GALNTL5: variants seen among roughly 807,000 people sequenced by gnomAD.
GALNTL5 encodes polypeptide N-acetylgalactosaminyltransferase like 5.
Under a neutral mutation model 51.0 loss-of-function variants are expected in GALNTL5, and 44 were observed. That is an observed-to-expected ratio of 0.86 (90% CI 0.68 to 1.11). The LOEUF (loss-of-function observed/expected upper bound fraction) is 1.11. Ranked by LOEUF, GALNTL5 falls within the 50% of genes least tolerant of loss-of-function variation. The pLI, the probability that GALNTL5 is intolerant of heterozygous loss-of-function variation, is 0.00. For missense variants in GALNTL5, 528 were observed against 531.8 expected (o/e 0.99, Z 0.07); for synonymous variants, 192 against 182.8 (o/e 1.05, Z -0.41).
intron 3 of GALNTL5, among the ~76,000 whole-genome samples, chr7:151,974,496 T>C (rs1302745658): frequency 6.6e-6 from 1 of 152,228 alleles, no homozygotes; most frequent in Non-Finnish European, 1.5e-5. Context: ...CACTTTGCCT[T>C]GTTGCAACTT....
At chr7:151,994,254 T>C (rs1421535979) in intron 5 of GALNTL5, among the ~76,000 whole-genome samples, 1 of 152,202 alleles carries the variant, frequency 6.6e-6, no homozygotes, top group African/African-American at 2.4e-5. Flanking sequence ...GGCCCTTCCT[T>C]AACTTATCTC....
At chr7:151,982,803 A>T in intron 3 of GALNTL5, 183 bp from the exon 4 acceptor site, 1 of 1,286,802 alleles carries the variant, frequency 7.8e-7, no homozygotes. Context: ...AAAATATTAG[A>T]ACAACATAAG....
intron 1 of GALNTL5, among the ~76,000 whole-genome samples, chr7:151,962,546 A>G (rs959854305): frequency 6.8e-6 from 1 of 147,548 alleles, no homozygotes; most frequent in Non-Finnish European, 1.5e-5. Context: ...AAACTTCTCC[A>G]TCCCACATAC....
chr7:151,988,575 A>G lies in GALNTL5; in HGVS notation c.658+1294A>G, dbSNP rs373677081. ...TCTTATTTAACTGCAAAGATAATAC[A>G]TGTTCATTGTCCAAAACCCAAGAGA... On this transcript the variant is annotated intron_variant, in intron 5 of 8. Transcript: ENST00000392800. 2.6e-5 allele frequency among the ~76,000 whole-genome samples: 4 copies of G among 152,182 alleles called. No individual in the cohort carries two copies. In the East Asian group the frequency reaches 7.7e-4, roughly 29 times the overall value.
At chr7:151,981,575 T>TTCCTTCCC (rs2081288458) in intron 3 of GALNTL5, among the ~76,000 whole-genome samples, 1 of 29,812 alleles carries the variant, frequency 3.4e-5, no homozygotes. Flanking sequence ...CCTTCCTTCC[T>TTCCTTCCC]TCCTTCCTTC....
At chr7:152,012,411 T>C (rs1480209228) in intron 7 of GALNTL5, among the ~76,000 whole-genome samples, 1 of 146,128 alleles carries the variant, frequency 6.8e-6, no homozygotes, top group African/African-American at 2.6e-5. Flanking sequence ...AACAAACAGA[T>C]GCTGGCGAGG....
intron 5 of GALNTL5, among the ~76,000 whole-genome samples, chr7:151,992,318 A>T (rs1012380896): frequency 3.3e-5 from 5 of 152,184 alleles, no homozygotes; most frequent in Admixed American, 2.6e-4. Context: ...GTTTCCTAGG[A>T]CTGTTATAAT....
In GALNTL5 at chr7:152,007,945, G is replaced by T; in HGVS notation, c.1026+1G>T. ...AGAAAATTTGGAACTTTCACTAAGG[G>T]TAATTCAGATTTCATTTTTAAAATA... On this transcript the variant is annotated splice_donor_variant, in intron 7 of 8. Transcript: ENST00000392800. LOFTEE classifies it high-confidence loss of function. The T allele has an allele frequency of 1.4e-6, 2 of 1,434,986 alleles. No homozygotes were observed. The highest frequency in any genetic ancestry group is 2.0e-6 in the Non-Finnish European group (2 of 1,018,644). 88.9% of individuals were successfully genotyped at this position (1,434,986 alleles called of 1,614,324 possible).
chr7:152,002,809 G>C lies in GALNTL5; in HGVS notation c.754G>C (p.Val252Leu). 1 of 1,614,152 alleles carries C rather than the reference G, an allele frequency of 6.2e-7. No homozygotes were observed. The highest frequency in any genetic ancestry group is 8.5e-7 in the Non-Finnish European group (1 of 1,180,012). The change falls in exon 6 of 9, where the codon GTG becomes CTG. Residue 252 changes from valine to leucine, a missense_variant. Val to Leu is a conservative substitution (Grantham distance 32). Transcript: ENST00000392800. ...HAIAKDPKMV[V>L]CPLIDVIDDR... The stretch of plus-strand genomic sequence containing the variant: ...CATTGCCAAGGACCCCAAAATGGTG[G>C]TGTGCCCCCTGATAGATGTCATTGA...
At position 151,980,807 on chromosome 7, in the gene GALNTL5, G is replaced by A. The variant is rs536525473; in HGVS notation, c.369-2179G>A. Among the ~76,000 whole-genome samples, 271 of 134,582 alleles carry A rather than the reference G, an allele frequency of 2.0e-3. 2 individuals carry two copies. The highest frequency in any genetic ancestry group is 3.1e-3 in the Non-Finnish European group (203 of 64,478). 88.3% of individuals were successfully genotyped at this position (134,582 alleles called of 152,430 possible). On this transcript the variant is annotated intron_variant, in intron 3 of 8. Coordinates refer to ENST00000392800, the MANE Select transcript of GALNTL5 (RefSeq NM_145292.4). ...GTCGCCCAGGCTGGAGTGCAGTGGC[G>A]GGATCTCGGCTCACTGCAAGCTCCG...
At chr7:151,981,577 CCTTCCTTCCTTCCCTCCT>C (rs2081288601) in intron 3 of GALNTL5, among the ~76,000 whole-genome samples, 1 of 20,446 alleles carries the variant, frequency 4.9e-5, no homozygotes, top group African/African-American at 1.5e-4. Flanking sequence ...TTCCTTCCTT[CCTTCCTTCCTTCCCTCCT>C]TCCTTCCTTC....
intron 6 of GALNTL5, 53 bp downstream of exon 6, chr7:152,003,016 G>C (rs1311085822): frequency 6.0e-6 from 9 of 1,489,094 alleles, no homozygotes; most frequent in Non-Finnish European, 8.3e-6. Context: ...TTGAGACCCA[G>C]GGGGAAAAAG....
intron 1 of GALNTL5, among the ~76,000 whole-genome samples, chr7:151,962,709 C>T (rs2081007854): frequency 6.6e-6 from 1 of 151,970 alleles, no homozygotes; most frequent in Non-Finnish European, 1.5e-5. Flanking sequence ...CCCGGGTTCA[C>T]ACAATTCTCT....
intron 1 of GALNTL5, among the ~76,000 whole-genome samples, chr7:151,961,049 A>C (rs1358597446): frequency 6.6e-6 from 1 of 152,200 alleles, no homozygotes; most frequent in Non-Finnish European, 1.5e-5. Flanking sequence ...AGTCAAAGCC[A>C]AGCATGGGGG....
At chr7:151,993,823 C>G (rs1473652054) in intron 5 of GALNTL5, among the ~76,000 whole-genome samples, 1 of 151,964 alleles carries the variant, frequency 6.6e-6, no homozygotes, top group East Asian at 1.9e-4. Context: ...TCTCACTGTC[C>G]TGCCCAGGCT....
chr7:151,980,947 G>A (rs971127057), intron 3 of GALNTL5, among the ~76,000 whole-genome samples: 10 of 151,588 alleles, frequency 6.6e-5, no homozygotes, highest in East Asian at 3.9e-4. Context: ...GGGTTTCACC[G>A]TGTTAGCCAG....
intron 5 of GALNTL5, among the ~76,000 whole-genome samples, chr7:151,993,000 G>C (rs1424153904): frequency 1.3e-5 from 2 of 152,120 alleles, no homozygotes; most frequent in African/African-American, 2.4e-5. Context: ...CACTTTGAGA[G>C]GCCGAGGCGG....
At chr7:152,002,181 G>A (rs2151956654) in intron 5 of GALNTL5, among the ~76,000 whole-genome samples, 1 of 152,206 alleles carries the variant, frequency 6.6e-6, no homozygotes, top group South Asian at 2.1e-4. Flanking sequence ...TTGGGAGGCT[G>A]AGGCAGGAGA....
chr7:152,001,856 T>G (rs1356039483), intron 5 of GALNTL5, among the ~76,000 whole-genome samples: 2 of 152,168 alleles, frequency 1.3e-5, no homozygotes, highest in African/African-American at 4.8e-5. Context: ...TGAGATTTTT[T>G]TATACCTTTC....
Sources: gnomAD v4.1 joint callset for allele counts (sites outside exome capture counted in the v4.1 genomes callset) on GRCh38, gnomAD v4.1.1 for gene constraint, MANE v1.5 for transcripts, NCBI Gene and HGNC (gene_info 2026-07-23, HGNC 2026-07-21) for gene names.